GPC6: variants seen among roughly 807,000 people sequenced by gnomAD.
GPC6 encodes glypican-6.
In GPC6, 14 loss-of-function variants were observed where a neutral mutation model predicts 55.2. The observed-to-expected ratio is 0.25, with a 90% CI of 0.17 to 0.40. GPC6 has a LOEUF of 0.40. Among genes scored for constraint, GPC6 ranks in the 10% least tolerant of loss-of-function variants. The pLI is 1.00. For synonymous variants in GPC6, 278 were observed against 259.6 expected (o/e 1.07, Z -0.68); for missense variants, 641 against 708.5 (o/e 0.90, Z 1.08).
At chr13:94,072,603 C>T (rs1385310784) in intron 4 of GPC6, among the ~76,000 whole-genome samples, 2 of 152,222 alleles carry the variant, frequency 1.3e-5, no homozygotes, top group African/African-American at 2.4e-5. Context: ...CTGCCCGCCT[C>T]GGCCTCCCAA....
At chr13:93,746,000 G>A (rs1884384219) in intron 2 of GPC6, among the ~76,000 whole-genome samples, 1 of 152,174 alleles carries the variant, frequency 6.6e-6, no homozygotes, top group African/African-American at 2.4e-5. Context: ...CTCTTTTCAT[G>A]AAGAAAAGAG....
At chr13:93,248,331 C>T (rs187353827) in intron 1 of GPC6, among the ~76,000 whole-genome samples, 149 of 147,080 alleles carry the variant, frequency 1.0e-3, no homozygotes, top group Non-Finnish European at 1.9e-3. Flanking sequence ...ACAGTCTTGA[C>T]AAAACTGCTT....
At chr13:93,302,847 T>TA (rs1878729066) in intron 1 of GPC6, among the ~76,000 whole-genome samples, 1 of 152,184 alleles carries the variant, frequency 6.6e-6, no homozygotes. Context: ...TTGATTCACT[T>TA]AAAGAAAAAT....
chr13:94,069,075 G>A (rs1329945068), intron 4 of GPC6, among the ~76,000 whole-genome samples: 1 of 152,138 alleles, frequency 6.6e-6, no homozygotes, highest in Admixed American at 6.6e-5. Flanking sequence ...CTCCATGAGG[G>A]ACCCACCCCT....
intron 7 of GPC6, among the ~76,000 whole-genome samples, chr13:94,387,679 G>T (rs753389532): frequency 2.4e-4 from 37 of 151,282 alleles, no homozygotes; most frequent in Non-Finnish European, 4.7e-4. Context: ...AGGTCTTGAG[G>T]GTGCAGCCCT....
Position 93,710,499 on chromosome 13 carries a change from T to A in GPC6, c.320-119655T>A, listed in dbSNP as rs528611895. 2.0e-5 allele frequency among the ~76,000 whole-genome samples: 3 copies of A among 151,878 alleles called. No individual in the cohort carries two copies. In the South Asian group the frequency reaches 6.2e-4, roughly 31 times the overall value. On this transcript the variant is annotated intron_variant, in intron 2 of 8. Coordinates refer to ENST00000377047, the MANE Select transcript of GPC6 (RefSeq NM_005708.5). ...TGATGTACACAGAAACCAATAATGG[T>A]ATGTGTAGGAGAGCAAAACACAATG...
chr13:94,002,348 A>G (rs1319688848), intron 3 of GPC6, among the ~76,000 whole-genome samples: 1 of 152,182 alleles, frequency 6.6e-6, no homozygotes, highest in Admixed American at 6.6e-5. Context: ...ACACAGTGAA[A>G]TAGATCAAAA....
At chr13:94,132,112 C>G (rs1229060089) in intron 4 of GPC6, among the ~76,000 whole-genome samples, 1 of 152,026 alleles carries the variant, frequency 6.6e-6, no homozygotes, top group African/African-American at 2.4e-5. Flanking sequence ...CCAGAGCGCA[C>G]GGAGGCCATG....
At chr13:94,100,317 A>G (rs1213769894) in intron 4 of GPC6, among the ~76,000 whole-genome samples, 1 of 152,186 alleles carries the variant, frequency 6.6e-6, no homozygotes, top group African/African-American at 2.4e-5. Context: ...GCTGTATGAA[A>G]TTTTTGAATA....
rs2099633467 is a variant in GPC6, at chr13:94,407,392, T to A, written c.*4175T>A. ...ATTAATCTTGTATTAAAATAGTTTT[T>A]AAAAATCTACCAGTGCCCTTTCTGC... is the stretch of plus-strand genomic sequence containing the variant. On this transcript the variant is annotated 3_prime_UTR_variant, in exon 9 of 9. Transcript: ENST00000377047. 2 of 152,182 alleles carry A rather than the reference T, an allele frequency of 1.3e-5. No individual in the cohort carries two copies. Among genetic ancestry groups the A allele is most frequent in the Admixed American group, 6.5e-5 (1 of 15,274 alleles). The allele number at this position is 152,182 out of a possible 1,614,324, so 9.4% of individuals were successfully genotyped here.
At chr13:93,441,210 A>G (rs1449213812) in intron 1 of GPC6, among the ~76,000 whole-genome samples, 1 of 152,236 alleles carries the variant, frequency 6.6e-6, no homozygotes. Flanking sequence ...GTATATACCC[A>G]GTAATGGGAT....
chr13:93,965,922 GT>G (rs1156701780), intron 3 of GPC6, among the ~76,000 whole-genome samples: 5 of 152,192 alleles, frequency 3.3e-5, no homozygotes, highest in Admixed American at 3.3e-4. Flanking sequence ...AAAAAGTAGA[GT>G]GAAAAATCAG....
At chr13:93,551,013 G>C (rs996811626) in intron 2 of GPC6, among the ~76,000 whole-genome samples, 1 of 152,116 alleles carries the variant, frequency 6.6e-6, no homozygotes, top group Admixed American at 6.6e-5. Flanking sequence ...ATTGCAAAGA[G>C]GAGGGAGGAA....
rs192510588 is a variant in GPC6, at chr13:93,783,716, C to T, written c.320-46438C>T. Among the ~76,000 whole-genome samples, 118 of 152,286 alleles carry T rather than the reference C, an allele frequency of 7.7e-4. 1 individual carries two copies. In the Middle Eastern group the frequency reaches 0.01, roughly 13 times the overall value. On this transcript the variant is annotated intron_variant, in intron 2 of 8. Transcript: ENST00000377047. ...ATATTCCAACCTATACTGGAACCCCCATCTTCTCCTACCATCATATCCTAT... is the reference window on the plus strand; with the variant it reads ...ATATTCCAACCTATACTGGAACCCCTATCTTCTCCTACCATCATATCCTAT...
chr13:93,503,413 A>T (rs1880593292), intron 1 of GPC6, among the ~76,000 whole-genome samples: 1 of 152,176 alleles, frequency 6.6e-6, no homozygotes, highest in African/African-American at 2.4e-5. Flanking sequence ...GGCAACATTG[A>T]GCAATAATCT....
chr13:93,579,696 A>G (rs1289250683), intron 2 of GPC6, among the ~76,000 whole-genome samples: 1 of 152,216 alleles, frequency 6.6e-6, no homozygotes, highest in Non-Finnish European at 1.5e-5. Context: ...AGATGCTTGA[A>G]GTCTACAATT....
chr13:94,221,477 A>G (rs1890381771), intron 4 of GPC6, among the ~76,000 whole-genome samples: 1 of 152,106 alleles, frequency 6.6e-6, no homozygotes, highest in African/African-American at 2.4e-5. Flanking sequence ...ATCAGAAATC[A>G]CTGTAAAATG....
chr13:94,176,720 A>T (rs1888787585), intron 4 of GPC6, among the ~76,000 whole-genome samples: 1 of 152,192 alleles, frequency 6.6e-6, no homozygotes, highest in Non-Finnish European at 1.5e-5. Context: ...GTGATTTATT[A>T]AGATGAGAAG....
chr13:94,010,286 A>G (rs912247632), intron 3 of GPC6, among the ~76,000 whole-genome samples: 2 of 152,204 alleles, frequency 1.3e-5, no homozygotes. Flanking sequence ...CCTAAATGTG[A>G]TAAGTACATT....
Sources: gnomAD v4.1 joint callset for allele counts (sites outside exome capture counted in the v4.1 genomes callset) on GRCh38, gnomAD v4.1.1 for gene constraint, MANE v1.5 for transcripts, NCBI Gene and HGNC (gene_info 2026-07-23, HGNC 2026-07-21) for gene names.